C1orf115: variants seen among roughly 807,000 people sequenced by gnomAD.
The protein encoded by C1orf115 is chromosome 1 open reading frame 115.
Under a neutral mutation model 12.5 loss-of-function variants are expected in C1orf115, and 14 were observed. The observed-to-expected ratio is 1.12, with a 90% CI of 0.74 to 1.75. The LOEUF (loss-of-function observed/expected upper bound fraction) is 1.75, where lower values mean the gene tolerates loss of function less well. Ranked by LOEUF, C1orf115 falls within the 40% of genes most tolerant of loss-of-function variation. The probability of loss-of-function intolerance (pLI) is 0.00; values close to 1 mark genes in which losing one functional copy is unlikely to be tolerated. For missense variants in C1orf115, 237 were observed against 220.8 expected, an observed-to-expected ratio of 1.07 and a Z score of -0.46; for synonymous variants, 109 against 104.6, an observed-to-expected ratio of 1.04 and a Z score of -0.26.
At position 220,690,593 on chromosome 1, in the gene C1orf115, G is replaced by C. The variant is rs1330007693; in HGVS notation, c.191G>C (p.Arg64Pro). 1 of 1,516,462 alleles carries C rather than the reference G, an allele frequency of 6.6e-7. No homozygotes were observed. The highest frequency in any genetic ancestry group is 8.8e-7 in the Non-Finnish European group (1 of 1,134,770). 93.9% of individuals were successfully genotyped at this position (1,516,462 alleles called of 1,614,324 possible). The change falls in exon 1 of 2, where the codon CGG becomes CCG. Residue 64 changes from arginine (R) to proline (P), a missense_variant. Transcript: ENST00000294889. ...SAADERGPGT[R>P]GARRVHFALL... ...GCGGACGAGCGGGGCCCGGGGACCCGGGGCGCGCGGAGGGTGCACTTCGCC... is the reference window on the plus strand; with the variant it reads ...GCGGACGAGCGGGGCCCGGGGACCCCGGGCGCGCGGAGGGTGCACTTCGCC...
chr1:220,695,160 G>A (rs6666610), intron 1 of C1orf115, among the ~76,000 whole-genome samples: 4,561 of 152,226 alleles, frequency 0.03, 103 homozygotes, highest in Middle Eastern at 0.051. Context: ...AATAAGAAGC[G>A]CAGACATGGA....
At chr1:220,690,787 C>T (rs1296225441) in intron 1 of C1orf115, 76 bp downstream of exon 1, 6 of 1,486,490 alleles carry the variant, frequency 4.0e-6, no homozygotes, top group Non-Finnish European at 5.4e-6. Flanking sequence ...CGGGTCCTTA[C>T]CATCGACTCA....
chr1:220,693,061 C>T (rs1347527500), intron 1 of C1orf115, among the ~76,000 whole-genome samples: 1 of 152,142 alleles, frequency 6.6e-6, no homozygotes, highest in Admixed American at 6.5e-5. Flanking sequence ...TCACCAGGCT[C>T]AAACATGGAG....
At chr1:220,692,934 A>T (rs1191924218) in intron 1 of C1orf115, among the ~76,000 whole-genome samples, 4 of 152,188 alleles carry the variant, frequency 2.6e-5, no homozygotes, top group African/African-American at 9.7e-5. Flanking sequence ...GTTGCACGCT[A>T]GTTCAATGGA....
At chr1:220,690,790 T>C (rs1200239033) in intron 1 of C1orf115, 79 bp downstream of exon 1, 1 of 1,480,224 alleles carries the variant, frequency 6.8e-7, no homozygotes, top group Non-Finnish European at 9.1e-7. Context: ...GTCCTTACCA[T>C]CGACTCACCC....
intron 1 of C1orf115, among the ~76,000 whole-genome samples, chr1:220,691,437 A>G (rs1159575438): frequency 5.9e-5 from 9 of 152,156 alleles, no homozygotes; most frequent in Non-Finnish European, 8.8e-5. Flanking sequence ...GCTGGCCTGG[A>G]CAAGGCCACC....
chr1:220,692,588 A>AG (rs1278117882), intron 1 of C1orf115, among the ~76,000 whole-genome samples: 1 of 152,244 alleles, frequency 6.6e-6, no homozygotes, highest in African/African-American at 2.4e-5. Context: ...TGGAATGCTT[A>AG]GGATAGGTCA....
intron 1 of C1orf115, 27 bp from the exon 2 acceptor site, chr1:220,696,585 G>A: frequency 6.4e-7 from 1 of 1,556,204 alleles, no homozygotes; most frequent in South Asian, 1.2e-5. Context: ...CTAATCCTTT[G>A]CTTTTCTCTT....
In C1orf115 at chr1:220,696,813, C is replaced by G. The variant is rs981807894; in HGVS notation, c.*82C>G. On this transcript the variant is annotated 3_prime_UTR_variant, in exon 2 of 2. Coordinates refer to ENST00000294889, the MANE Select transcript of C1orf115 (RefSeq NM_024709.5). ...TTTGTGAATCCTGGAGCATCTCAGA[C>G]TTGAACACACAGCATATTTGGAAGA... 24 of 1,466,190 alleles carry G rather than the reference C, an allele frequency of 1.6e-5. No individual in the cohort carries two copies. Among genetic ancestry groups the G allele is most frequent in the Admixed American group, 8.1e-5 (4 of 49,162 alleles). The allele number at this position is 1,466,190 out of a possible 1,614,324, so 90.8% of individuals were successfully genotyped here.
At chr1:220,691,046 C>T (rs1476604845) in intron 1 of C1orf115, among the ~76,000 whole-genome samples, 1 of 152,100 alleles carries the variant, frequency 6.6e-6, no homozygotes, top group Non-Finnish European at 1.5e-5. Context: ...AGCGTTAGCG[C>T]GGCAGGTGAC....
At chr1:220,694,483 A>G (rs1012425862) in intron 1 of C1orf115, among the ~76,000 whole-genome samples, 1 of 152,226 alleles carries the variant, frequency 6.6e-6, no homozygotes, top group African/African-American at 2.4e-5. Context: ...CCTTTATTTA[A>G]AAAGGGAAAC....
rs751351537 is a variant in C1orf115, at chr1:220,696,620, G to A, written c.318G>A (p.Gly106=). Residue 106 remains glycine (G), a synonymous_variant, in exon 2 of 2, where the codon GGG becomes GGA. Transcript: ENST00000294889. ...RKLKKYGKNV[G]KVIIKGCRYV... ...TTTATTCCTAACACTAGAATGTCGG[G>A]AAGGTCATCATCAAAGGATGCCGCT... The A allele has an allele frequency of 1.3e-6, 2 of 1,586,320 alleles. No homozygotes were observed. The highest frequency in any genetic ancestry group is 2.7e-5 in the African/African-American group (2 of 74,658).
Position 220,690,567 on chromosome 1 carries a change from G to T in C1orf115, c.165G>T (p.Ala55=). ...AEAAAESGTS[A]ADERGPGTRG... is the part of the protein sequence containing the mutation. ...CGGCGGCCGAGAGCGGGACGAGCGC[G>T]GCGGACGAGCGGGGCCCGGGGACCC... The change falls in exon 1 of 2, where the codon GCG becomes GCT. Residue 55 remains alanine (A), a synonymous_variant. Transcript: ENST00000294889. 1.3e-6 allele frequency: 2 copies of T among 1,484,272 alleles called. No homozygotes were observed. Among genetic ancestry groups the T allele is most frequent in the Middle Eastern group, 2.3e-4 (1 of 4,268 alleles). The allele number at this position is 1,484,272 out of a possible 1,614,324, so 91.9% of individuals were successfully genotyped here. A position where few individuals can be genotyped will look rare whatever the true frequency, so the allele number is the denominator to read the frequency against.
intron 1 of C1orf115, among the ~76,000 whole-genome samples, chr1:220,691,637 G>A (rs972765532): frequency 2.6e-5 from 4 of 152,152 alleles, no homozygotes; most frequent in African/African-American, 9.7e-5. Context: ...ATACAGGCAG[G>A]GGTAAAACTA....
intron 1 of C1orf115, among the ~76,000 whole-genome samples, chr1:220,691,632 G>A (rs1017025232): frequency 6.6e-6 from 1 of 152,216 alleles, no homozygotes; most frequent in Non-Finnish European, 1.5e-5. Flanking sequence ...GCAGAATACA[G>A]GCAGGGGTAA....
Position 220,690,572 on chromosome 1 carries a change from A to C in C1orf115, c.170A>C (p.Asp57Ala), listed in dbSNP as rs554579162. Residue 57 changes from aspartate to alanine, a missense_variant, in exon 1 of 2, where the codon GAC becomes GCC. Asp to Ala is a moderately radical substitution (Grantham distance 126). Transcript: ENST00000294889. ...GCCGAGAGCGGGACGAGCGCGGCGG[A>C]CGAGCGGGGCCCGGGGACCCGGGGC... ...AAAESGTSAA[D>A]ERGPGTRGAR... is the part of the protein sequence containing the mutation. 22 of 1,490,264 alleles carry C rather than the reference A, an allele frequency of 1.5e-5. No individual in the cohort carries two copies. Among genetic ancestry groups the C allele is most frequent in the Middle Eastern group, 2.3e-4 (1 of 4,276 alleles). The allele number at this position is 1,490,264 out of a possible 1,614,324, so 92.3% of individuals were successfully genotyped here. A position where few individuals can be genotyped will look rare whatever the true frequency, so the allele number is the denominator to read the frequency against.
chr1:220,693,296 C>T (rs558323967), intron 1 of C1orf115, among the ~76,000 whole-genome samples: 10 of 151,708 alleles, frequency 6.6e-5, no homozygotes, highest in Non-Finnish European at 1.5e-4. Context: ...ATTTTTTTTC[C>T]CTAAATTACA....
In C1orf115 at chr1:220,693,036, A is replaced by G. The variant is rs540680171; in HGVS notation, c.309+2325A>G. ...GTGACTTCAGCTTCTACTTTCTTGG[A>G]GCCACCTGAGAGGGTCACCAGGCTC... On this transcript the variant is annotated intron_variant, in intron 1 of 1. Transcript: ENST00000294889. 3.3e-5 allele frequency among the ~76,000 whole-genome samples: 5 copies of G among 152,196 alleles called. No homozygotes were observed. In the South Asian group the frequency reaches 8.3e-4, roughly 25 times the overall value.
At chr1:220,696,390 G>A (rs577703787) in intron 1 of C1orf115, among the ~76,000 whole-genome samples, 19 of 152,342 alleles carry the variant, frequency 1.2e-4, no homozygotes, top group South Asian at 4.1e-4. Context: ...CACTTTGCAA[G>A]GTGATGATGT....
Sources: gnomAD v4.1 joint callset for allele counts (sites outside exome capture counted in the v4.1 genomes callset) on GRCh38, gnomAD v4.1.1 for gene constraint, MANE v1.5 for transcripts, NCBI Gene and HGNC (gene_info 2026-07-23, HGNC 2026-07-21) for gene names.